Variants in CGNL1 observed in about 807,000 individuals in gnomAD.
CGNL1 encodes the protein cingulin like 1.
Under a neutral mutation model 141.2 loss-of-function variants are expected in CGNL1, and 132 were observed. The ratio of observed to expected loss-of-function variants is 0.93; its 90% CI spans 0.81 to 1.08. The LOEUF (loss-of-function observed/expected upper bound fraction) is 1.08, where lower values mean the gene tolerates loss of function less well. Ranked by LOEUF, CGNL1 falls within the 50% of genes least tolerant of loss-of-function variation. The pLI is 0.00. For missense variants in CGNL1, 1,870 were observed against 1,588.6 expected, an observed-to-expected ratio of 1.18 and a Z score of -3.01; for synonymous variants, 690 against 622.1, an observed-to-expected ratio of 1.11 and a Z score of -1.63.
intron 8 of CGNL1, among the ~76,000 whole-genome samples, chr15:57,502,594 C>A (rs960432630): frequency 1.3e-5 from 2 of 152,138 alleles, no homozygotes; most frequent in Non-Finnish European, 2.9e-5. Flanking sequence ...AGGAAATAAC[C>A]TTTATCTGCC....
intron 8 of CGNL1, among the ~76,000 whole-genome samples, chr15:57,477,807 G>T (rs1193571515): frequency 6.6e-6 from 1 of 152,126 alleles, no homozygotes; most frequent in Non-Finnish European, 1.5e-5. Flanking sequence ...GCCACTTCCT[G>T]TAGCTGTCTT....
intron 7 of CGNL1, among the ~76,000 whole-genome samples, chr15:57,457,666 C>T (rs192926066): frequency 8.1e-4 from 124 of 152,284 alleles, no homozygotes; most frequent in Middle Eastern, 6.8e-3. Context: ...AAACAAGAGG[C>T]GTGAGAGCCA....
intron 8 of CGNL1, among the ~76,000 whole-genome samples, chr15:57,514,183 G>T (rs1401382624): frequency 4.6e-5 from 7 of 151,852 alleles, no homozygotes; most frequent in African/African-American, 1.5e-4. Context: ...ATGGAGTCTT[G>T]CTCTGTCACC....
intron 8 of CGNL1, among the ~76,000 whole-genome samples, chr15:57,467,617 T>G (rs1407312344): frequency 2.0e-5 from 3 of 151,454 alleles, no homozygotes; most frequent in South Asian, 2.1e-4. Flanking sequence ...CACTCTATAT[T>G]AATGATATTA....
At chr15:57,461,511 A>AG (rs2063445754) in intron 7 of CGNL1, among the ~76,000 whole-genome samples, 169 bp from the exon 8 acceptor site, 1 of 152,300 alleles carries the variant, frequency 6.6e-6, no homozygotes, top group South Asian at 2.1e-4. Flanking sequence ...TGAGAAATGC[A>AG]GGGGGAGAGG....
intron 1 of CGNL1, among the ~76,000 whole-genome samples, chr15:57,423,895 G>C (rs1189499079): frequency 2.0e-5 from 3 of 152,238 alleles, no homozygotes; most frequent in Non-Finnish European, 2.9e-5. Context: ...GCCAGGCGAT[G>C]CTGTTGCTGC....
At position 57,490,715 on chromosome 15, in the gene CGNL1, C is replaced by T. The variant is rs377474733; in HGVS notation, c.2404-26065C>T. ...TTGGGCTGCACATAGTGAATTCCTT[C>T]CAGAGTGTACAGGATGAAGTGGGGG... On this transcript the variant is annotated intron_variant, in intron 8 of 18. Transcript: ENST00000281282. 3.9e-5 allele frequency among the ~76,000 whole-genome samples: 6 copies of T among 152,232 alleles called. No individual in the cohort carries two copies. The East Asian group carries it at 9.6e-4, about 24-fold the overall frequency.
rs2062483443 is a variant in CGNL1, at chr15:57,386,383, CTG to C, written c.-16+9821_-16+9822del. Reference sequence around the variant, plus strand: ...AACTAGCTCTACGTATGTGAATGTGCTGTGTGATTCCTAAGGTATGCCTTTTG... The same window carrying C: ...AACTAGCTCTACGTATGTGAATGTGCTGTGATTCCTAAGGTATGCCTTTTG... On this transcript the variant is annotated intron_variant, in intron 1 of 18. Coordinates refer to ENST00000281282, the MANE Select transcript of CGNL1 (RefSeq NM_032866.5). 2.6e-5 allele frequency among the ~76,000 whole-genome samples: 4 copies of C among 152,184 alleles called. No homozygotes were observed. The South Asian group carries it at 8.3e-4, about 32-fold the overall frequency.
At chr15:57,388,083 A>C (rs2062503165) in intron 1 of CGNL1, among the ~76,000 whole-genome samples, 1 of 152,232 alleles carries the variant, frequency 6.6e-6, no homozygotes, top group African/African-American at 2.4e-5. Context: ...ACCCTGCCCC[A>C]CTTCTGACCT....
At chr15:57,458,371 C>G (rs1163548983) in intron 7 of CGNL1, among the ~76,000 whole-genome samples, 1 of 152,178 alleles carries the variant, frequency 6.6e-6, no homozygotes, top group African/African-American at 2.4e-5. Flanking sequence ...AGTCTCTACT[C>G]TGGAAAACTT....
At chr15:57,477,555 A>G (rs1295542540) in intron 8 of CGNL1, 1 of 152,198 alleles carries the variant, frequency 6.6e-6, no homozygotes, top group Admixed American at 6.5e-5. Context: ...GCCAAGTCCA[A>G]AGGAAAGGTA....
At chr15:57,465,742 T>G (rs1331312761) in intron 8 of CGNL1, among the ~76,000 whole-genome samples, 1 of 152,200 alleles carries the variant, frequency 6.6e-6, no homozygotes, top group Non-Finnish European at 1.5e-5. Flanking sequence ...CCTTCTGTCA[T>G]CAGTTTTTCT....
chr15:57,447,711 G>T (rs572707718), intron 4 of CGNL1, among the ~76,000 whole-genome samples: 1 of 151,370 alleles, frequency 6.6e-6, no homozygotes, highest in East Asian at 1.9e-4. Flanking sequence ...TTTCACATTC[G>T]GTCTCTCCCA....
chr15:57,481,064 G>T (rs370504288), intron 8 of CGNL1, among the ~76,000 whole-genome samples: 3,458 of 116,134 alleles, frequency 0.03, 64 homozygotes, highest in Non-Finnish European at 0.034. Context: ...AAGACCTGGG[G>T]TTTTTTTTTT....
chr15:57,541,888 G>A (rs1199519634), intron 14 of CGNL1, among the ~76,000 whole-genome samples: 7 of 152,104 alleles, frequency 4.6e-5, no homozygotes, highest in African/African-American at 1.7e-4. Flanking sequence ...CATTTTCTTT[G>A]GACCACCTGG....
rs2063203480 is a variant in CGNL1 at position 57,442,591 on chromosome 15, A to G, written c.1803+113A>G. On this transcript the variant is annotated intron_variant, in intron 4 of 18. Transcript: ENST00000281282. ...ATAGCAGTAAGTGGGAAGTTGCCTG[A>G]GTAGTGAGGAGTACTCTTCATGTTT... 8.1e-6 allele frequency: 5 copies of G among 616,410 alleles called. No individual in the cohort carries two copies. The South Asian group carries it at 9.1e-5, about 11-fold the overall frequency. The allele number at this position is 616,410 out of a possible 1,614,324, so 38.2% of individuals were successfully genotyped here.
intron 1 of CGNL1, among the ~76,000 whole-genome samples, chr15:57,430,710 G>C (rs1009713917): frequency 7.9e-5 from 12 of 152,070 alleles, no homozygotes; most frequent in Non-Finnish European, 1.8e-4. Context: ...GATGAGTTGA[G>C]TCCCAGTGAC....
Position 57,438,946 on chromosome 15 carries a change from A to T in CGNL1, c.947A>T (p.Asp316Val). The T allele has an allele frequency of 6.2e-7, 1 of 1,614,216 alleles. No individual in the cohort carries two copies. Among genetic ancestry groups the T allele is most frequent in the Non-Finnish European group, 8.5e-7 (1 of 1,180,032 alleles). The change falls in exon 2 of 19, where the codon GAT becomes GTT. Residue 316 changes from aspartate (D) to valine (V), a missense_variant. Transcript: ENST00000281282. Reference protein sequence around the residue: ...ANSLYRFLLDDQECAIHADNV... With the variant: ...ANSLYRFLLDVQECAIHADNV... Reference sequence around the variant, plus strand: ...TCTTTGTACAGGTTTTTACTGGATGATCAGGAATGTGCCATCCATGCCGAC... The same window carrying T: ...TCTTTGTACAGGTTTTTACTGGATGTTCAGGAATGTGCCATCCATGCCGAC...
chr15:57,394,645 G>T (rs2062582818), intron 1 of CGNL1, among the ~76,000 whole-genome samples: 1 of 152,170 alleles, frequency 6.6e-6, no homozygotes, highest in Non-Finnish European at 1.5e-5. Flanking sequence ...TTGTATCAGT[G>T]TTACAAATGA....
Sources: allele counts gnomAD v4.1 joint callset (sites outside exome capture counted in the v4.1 genomes callset), GRCh38; gene constraint gnomAD v4.1.1; transcripts MANE v1.5; gene names NCBI Gene and HGNC (gene_info 2026-07-23, HGNC 2026-07-21).